The following ADGRL1 variants were observed in gnomAD, a reference collection of about 807,000 sequenced individuals.
The protein encoded by ADGRL1 is adhesion G protein-coupled receptor L1, also known as CIRL-1.
ADGRL1 carries 31 observed loss-of-function variants against 148.9 expected under a neutral mutation model. The observed-to-expected ratio is 0.21, with a 90% CI of 0.16 to 0.28. ADGRL1 has a LOEUF of 0.28. ADGRL1 is among the 10% of genes least tolerant of loss of function. The probability of loss-of-function intolerance (pLI) is 1.00; values close to 1 mark genes in which losing one functional copy is unlikely to be tolerated. For synonymous variants in ADGRL1, 937 were observed against 900.3 expected, an observed-to-expected ratio of 1.04 and a Z score of -0.73; for missense variants, 1,521 against 2,058.8, an observed-to-expected ratio of 0.74 and a Z score of 5.05.
chr19:14,152,408 G>T lies in ADGRL1; in HGVS notation c.3550C>A (p.Pro1184Thr). Residue 1184 changes from proline to threonine, a missense_variant, in exon 21 of 23, where the codon CCC becomes ACC. Coordinates refer to ENST00000361434, the MANE Select transcript of ADGRL1 (RefSeq NM_014921.5). The surrounding 1 kb of genome is among the most constrained non-coding windows in gnomAD (Gnocchi z 6.1). Reference protein sequence around the residue: ...GTMGNHLLTNPVLQPRGGTSP... With the variant: ...GTMGNHLLTNTVLQPRGGTSP... ...GTGCCCCCACGGGGCTGCAGCACGG[G>T]GTTGGTCAGCAGGTGGTTCCCCATG... The T allele has an allele frequency of 6.2e-7, 1 of 1,601,752 alleles. No homozygotes were observed.
chr19:14,160,094 G>C lies in ADGRL1; in HGVS notation c.1800+18C>G. 1 of 1,563,546 alleles carries C rather than the reference G, an allele frequency of 6.4e-7. No homozygotes were observed. Among genetic ancestry groups the C allele is most frequent in the African/African-American group, 1.3e-5 (1 of 74,200 alleles). ...GGCGCCCTCCCCATACCAGGTCAGC[G>C]CCACCGCCAGGCCCCACCTTGTTGT... On this transcript the variant is annotated intron_variant, in intron 8 of 22. Coordinates refer to ENST00000361434, the MANE Select transcript of ADGRL1 (RefSeq NM_014921.5). This position sits in a 1 kb window ranked among gnomAD's most constrained non-coding sequence, Gnocchi z 5.9.
chr19:14,150,418 G>A lies in ADGRL1; in HGVS notation c.*455C>T, dbSNP rs1337124900. 3 of 161,748 alleles carry A rather than the reference G, an allele frequency of 1.9e-5. No individual in the cohort carries two copies. Among genetic ancestry groups the A allele is most frequent in the Non-Finnish European group, 2.7e-5 (2 of 73,786 alleles). The allele number at this position is 161,748 out of a possible 1,614,324, so 10.0% of individuals were successfully genotyped here. On this transcript the variant is annotated 3_prime_UTR_variant, in exon 23 of 23. Transcript: ENST00000361434. ...CTCACTGCTCCCTCTGGGTGCAGCC[G>A]GCAGCATTTCTGGCTGCGGAGAGGA...
intron 1 of ADGRL1, among the ~76,000 whole-genome samples, chr19:14,201,314 T>TTTTG (rs1555692940): frequency 1.7e-5 from 2 of 115,150 alleles, no homozygotes; most frequent in African/African-American, 6.4e-5. Flanking sequence ...TTTTTTTTTT[T>TTTTG]GGCGGGGTGG....
chr19:14,151,022 A>G lies in ADGRL1; in HGVS notation c.4261T>C (p.Ser1421Pro), dbSNP rs1599376849. 5 of 1,171,128 alleles carry G rather than the reference A, an allele frequency of 4.3e-6. No homozygotes were observed. The highest frequency in any genetic ancestry group is 5.4e-6 in the Non-Finnish European group (5 of 929,040). 72.5% of individuals were successfully genotyped at this position (1,171,128 alleles called of 1,614,324 possible). ...CGGGCCACCAGGGCTGGCGGGCGCG[A>G]GGTGTAGTAGATTTCGGGGGGGCCG... The part of the protein sequence containing the change: ...PPGPPEIYYT[S>P]RPPALVARNP... The change falls in exon 23 of 23, where the codon TCG becomes CCG. Residue 1421 changes from serine (S) to proline (P), a missense_variant. Coordinates refer to ENST00000361434, the MANE Select transcript of ADGRL1 (RefSeq NM_014921.5).
intron 4 of ADGRL1, 31 bp from the exon 5 acceptor site, chr19:14,163,437 A>G (rs1969614858): frequency 1.5e-6 from 2 of 1,296,742 alleles, no homozygotes; most frequent in African/African-American, 1.6e-5. Flanking sequence ...GGGAGGAGGT[A>G]GGAGAGAAGG....
intron 1 of ADGRL1, among the ~76,000 whole-genome samples, chr19:14,201,120 T>A (rs1329861425): frequency 6.6e-6 from 1 of 151,970 alleles, no homozygotes; most frequent in Non-Finnish European, 1.5e-5. Flanking sequence ...AATGATGCAG[T>A]GCCGAAGTCA....
At chr19:14,153,038 C>T (rs1568565968) in intron 18 of ADGRL1, 126 bp from the exon 19 acceptor site, 3 of 1,140,896 alleles carry the variant, frequency 2.6e-6, no homozygotes, top group East Asian at 4.9e-5. Context: ...TGACTGTGTT[C>T]CCCTGTTCAG....
At position 14,151,343 on chromosome 19, in the gene ADGRL1, C is replaced by T. The variant is rs761417002; in HGVS notation, c.3940G>A (p.Glu1314Lys). ...PVPPVPGGGGEEEAGGPGGAD... is the reference protein window; with the variant it reads ...PVPPVPGGGGKEEAGGPGGAD... ...CCCCCGGGCCCGCCCGCCTCTTCCTCGCCCCCGCCCCCTGGCACAGGTGGC... is the reference window on the plus strand; with the variant it reads ...CCCCCGGGCCCGCCCGCCTCTTCCTTGCCCCCGCCCCCTGGCACAGGTGGC... Residue 1314 changes from glutamate (E) to lysine (K), a missense_variant, in exon 23 of 23, where the codon GAG becomes AAG. Glu to Lys is a moderately conservative substitution (Grantham distance 56). This residue lies in a region of ADGRL1 where 390 missense variants were observed against 375.0 expected (regional missense o/e 1.04). Transcript: ENST00000361434. The T allele has an allele frequency of 2.5e-6, 4 of 1,597,580 alleles. No individual in the cohort carries two copies. Among genetic ancestry groups the T allele is most frequent in the East Asian group, 4.6e-5 (2 of 43,868 alleles).
intron 1 of ADGRL1, among the ~76,000 whole-genome samples, chr19:14,205,060 G>C (rs1283463275): frequency 6.6e-6 from 1 of 151,960 alleles, no homozygotes; most frequent in African/African-American, 2.4e-5. Context: ...GGTGTGTGTA[G>C]CCAGCGGCTG....
chr19:14,171,112 T>C (rs1375509114), intron 3 of ADGRL1: 2 of 239,552 alleles, frequency 8.3e-6, no homozygotes, highest in Non-Finnish European at 1.7e-5. Flanking sequence ...TGTTCTCTTT[T>C]CCTCCTACTC....
intron 3 of ADGRL1, among the ~76,000 whole-genome samples, chr19:14,174,148 T>G (rs1241281356): frequency 6.6e-6 from 1 of 151,992 alleles, no homozygotes; most frequent in Admixed American, 6.6e-5. Flanking sequence ...CCAGATGCTG[T>G]ACTAGGTGCT....
chr19:14,162,113 C>A lies in ADGRL1; in HGVS notation c.1196-487G>T, dbSNP rs34711827. 0.018 allele frequency among the ~76,000 whole-genome samples: 2,667 copies of A among 152,324 alleles called. 37 individuals are homozygous for A. Among genetic ancestry groups the A allele is most frequent in the Non-Finnish European group, 0.027 (1,855 of 68,032 alleles). ...GCAAACAAGATGGGGTTAGATCGGGCTCCCTGGAGCCCTGGGGTGGCACAG... is the reference window on the plus strand; with the variant it reads ...GCAAACAAGATGGGGTTAGATCGGGATCCCTGGAGCCCTGGGGTGGCACAG... On this transcript the variant is annotated intron_variant, in intron 5 of 22. Coordinates refer to ENST00000361434, the MANE Select transcript of ADGRL1 (RefSeq NM_014921.5). This position sits in a 1 kb window ranked among gnomAD's most constrained non-coding sequence, Gnocchi z 5.4.
chr19:14,172,645 C>T (rs1184497703), intron 3 of ADGRL1, among the ~76,000 whole-genome samples: 2 of 152,026 alleles, frequency 1.3e-5, no homozygotes, highest in African/African-American at 2.4e-5. Flanking sequence ...GAGGCTGAGG[C>T]CCAAGAATCG....
rs762400569 is a variant in ADGRL1 at position 14,152,387 on chromosome 19, C to T, written c.3571G>A (p.Gly1191Ser). 6.2e-7 allele frequency: 1 copy of T among 1,601,574 alleles called. No homozygotes were observed. Among genetic ancestry groups the T allele is most frequent in the Non-Finnish European group, 8.5e-7 (1 of 1,172,232 alleles). Residue 1191 changes from glycine (G) to serine (S), a missense_variant, in exon 21 of 23, where the codon GGC (glycine) becomes AGC (serine). By Grantham distance (56) the Gly-to-Ser change is moderately conservative. This residue lies in a region of ADGRL1 where 47 missense variants were observed against 64.6 expected (regional missense o/e 0.73). Coordinates refer to ENST00000361434, the MANE Select transcript of ADGRL1 (RefSeq NM_014921.5). This position sits in a 1 kb window ranked among gnomAD's most constrained non-coding sequence, Gnocchi z 6.1. ...ATGAGGGTGTTGTAGGGACTGGTGCCCCCACGGGGCTGCAGCACGGGGTTG... is the reference window on the plus strand; with the variant it reads ...ATGAGGGTGTTGTAGGGACTGGTGCTCCCACGGGGCTGCAGCACGGGGTTG... ...LTNPVLQPRG[G>S]TSPYNTLIAE...
chr19:14,176,387 C>T (rs1363691646), intron 3 of ADGRL1, among the ~76,000 whole-genome samples: 7 of 152,096 alleles, frequency 4.6e-5, no homozygotes, highest in Non-Finnish European at 8.8e-5. Context: ...AACAAATACA[C>T]CGTCATACTC....
At position 14,160,014 on chromosome 19, in the gene ADGRL1, G is replaced by A. The variant is rs1255665325; in HGVS notation, c.1800+98C>T. 2.3e-6 allele frequency: 3 copies of A among 1,309,310 alleles called. No homozygotes were observed. The highest frequency in any genetic ancestry group is 2.9e-5 in the African/African-American group (2 of 68,154). The allele number at this position is 1,309,310 out of a possible 1,614,324, so 81.1% of individuals were successfully genotyped here. A position where few individuals can be genotyped will look rare whatever the true frequency, so the allele number is the denominator to read the frequency against. ...TTCCTCTCTGAGGAAAGGAGTGGAG[G>A]TGGCAGCCTGGCTGGGAGGTACCAG... On this transcript the variant is annotated intron_variant, in intron 8 of 22. Coordinates refer to ENST00000361434, the MANE Select transcript of ADGRL1 (RefSeq NM_014921.5). The surrounding 1 kb of genome is among the most constrained non-coding windows in gnomAD (Gnocchi z 5.9).
Position 14,177,751 on chromosome 19 carries a change from G to A in ADGRL1, c.71-7C>T, listed in dbSNP as rs559438472. 1 of 1,606,832 alleles carries A rather than the reference G, an allele frequency of 6.2e-7. No homozygotes were observed. Among genetic ancestry groups the A allele is most frequent in the South Asian group, 1.1e-5 (1 of 90,982 alleles). On this transcript the variant is annotated splice_region_variant and splice_polypyrimidine_tract_variant and intron_variant, in intron 2 of 22. Transcript: ENST00000361434. ...AGCCCGGCCCGGCTCAGGCCTGCAG[G>A]GAGGGTTGGGGATGGTGTCACTCCT...
Position 14,160,531 on chromosome 19 carries a change from G to GCTGGGCC in ADGRL1, c.1614+55_1614+61dup, listed in dbSNP as rs959143631. 38 of 1,272,306 alleles carry GCTGGGCC rather than the reference G, an allele frequency of 3.0e-5. No homozygotes were observed. The highest frequency in any genetic ancestry group is 1.2e-4 in the South Asian group (8 of 68,634). 78.8% of individuals were successfully genotyped at this position (1,272,306 alleles called of 1,614,324 possible). On this transcript the variant is annotated intron_variant, in intron 7 of 22. Coordinates refer to ENST00000361434, the MANE Select transcript of ADGRL1 (RefSeq NM_014921.5). The surrounding 1 kb of genome is among the most constrained non-coding windows in gnomAD (Gnocchi z 5.9). ...TCTCCCCAGCTGCTCCACGACCCCC[G>GCTGGGCC]CTGGGCCCTGGGCCCTGGGCCCGAG...
rs3837937 is a variant in ADGRL1 at position 14,183,193 on chromosome 19, C to CAGAGAGAGAGAGAGAGAGAGAGAG, written c.70+316_70+339dup. 9.5e-4 allele frequency among the ~76,000 whole-genome samples: 138 copies of CAGAGAGAGAGAGAGAGAGAGAGAG among 145,390 alleles called. 1 individual carries two copies. Among genetic ancestry groups the CAGAGAGAGAGAGAGAGAGAGAGAG allele is most frequent in the East Asian group, 1.0e-3 (5 of 4,900 alleles). On this transcript the variant is annotated intron_variant, in intron 2 of 22. Coordinates refer to ENST00000361434, the MANE Select transcript of ADGRL1 (RefSeq NM_014921.5). ...AGTGAGAGCCTCGAAGATGTAATCA[C>CAGAGAGAGAGAGAGAGAGAGAGAG]AGAGAGAGAGAGAGAGAGAGAGAGC...
Sources: allele counts gnomAD v4.1 joint callset (sites outside exome capture counted in the v4.1 genomes callset), GRCh38; gene constraint gnomAD v4.1.1; regional missense constraint gnomAD v4.1.1; non-coding constraint Gnocchi (gnomAD v3.1); transcripts MANE v1.5; gene names NCBI Gene and HGNC (gene_info 2026-07-23, HGNC 2026-07-21).